The following EMCN variants were observed in gnomAD, a reference collection of about 807,000 sequenced individuals.
The protein encoded by EMCN is endomucin, also known as MUC-14.
A neutral mutation model predicts 38.4 loss-of-function variants in EMCN; 37 were observed. The observed-to-expected ratio is 0.96, with a 90% CI of 0.74 to 1.27. The LOEUF (loss-of-function observed/expected upper bound fraction) is 1.27, where lower values mean the gene tolerates loss of function less well. Ranked by LOEUF, EMCN falls within the 50% of genes most tolerant of loss-of-function variation. The probability of loss-of-function intolerance (pLI) is 0.00; values close to 1 mark genes in which losing one functional copy is unlikely to be tolerated. For synonymous variants in EMCN, 95 were observed against 100.8 expected (o/e 0.94, Z 0.35); for missense variants, 318 against 302.8 (o/e 1.05, Z -0.37).
intron 1 of EMCN, among the ~76,000 whole-genome samples, chr4:100,504,972 A>G (rs1450707114): frequency 6.6e-6 from 1 of 152,206 alleles, no homozygotes; most frequent in Non-Finnish European, 1.5e-5. Context: ...TCCCTTTTAG[A>G]TAGCAGTAGC....
chr4:100,407,279 G>A (rs1016882472), intron 11 of EMCN, among the ~76,000 whole-genome samples: 5 of 151,974 alleles, frequency 3.3e-5, no homozygotes, highest in African/African-American at 4.8e-5. Flanking sequence ...GTTACCTGGC[G>A]TTACGTAGAC....
intron 1 of EMCN, chr4:100,486,974 A>T (rs1296219212): frequency 1.0e-6 from 1 of 985,066 alleles, no homozygotes; most frequent in Non-Finnish European, 1.2e-6. Flanking sequence ...TGTGGACTTT[A>T]GTATAAGGAG....
At chr4:100,504,813 A>G (rs1387842348) in intron 1 of EMCN, among the ~76,000 whole-genome samples, 2 of 152,172 alleles carry the variant, frequency 1.3e-5, no homozygotes, top group African/African-American at 4.8e-5. Context: ...AGTTTAGAGA[A>G]GACCCTACTC....
At chr4:100,517,542 A>C (rs1025176396) in intron 1 of EMCN, among the ~76,000 whole-genome samples, 8 of 152,108 alleles carry the variant, frequency 5.3e-5, no homozygotes, top group Non-Finnish European at 1.0e-4. Context: ...GAGAGAGTAC[A>C]TTTTTAACCA....
At chr4:100,410,157 T>A in intron 11 of EMCN, 125 bp downstream of exon 11, 1 of 704,416 alleles carries the variant, frequency 1.4e-6, no homozygotes, top group East Asian at 2.6e-5. Flanking sequence ...TAGACAATGA[T>A]CATTGCATTG....
chr4:100,418,214 A>G (rs1294010236), intron 8 of EMCN, among the ~76,000 whole-genome samples: 3 of 152,160 alleles, frequency 2.0e-5, no homozygotes, highest in African/African-American at 7.2e-5. Context: ...CATATACAAT[A>G]TCACCTGTGA....
At chr4:100,477,723 T>A (rs1728699492) in intron 2 of EMCN, among the ~76,000 whole-genome samples, 2 of 152,194 alleles carry the variant, frequency 1.3e-5, no homozygotes, top group South Asian at 4.1e-4. Flanking sequence ...GGTAAATACT[T>A]TCATCGTGGC....
intron 10 of EMCN, among the ~76,000 whole-genome samples, 193 bp from the exon 11 acceptor site, chr4:100,410,548 T>A (rs1726524222): frequency 6.6e-6 from 1 of 152,190 alleles, no homozygotes; most frequent in Non-Finnish European, 1.5e-5. Flanking sequence ...CCAGACATCA[T>A]CTGTTTTCAC....
chr4:100,405,038 T>A (rs1007031593), intron 11 of EMCN, among the ~76,000 whole-genome samples: 4 of 152,138 alleles, frequency 2.6e-5, no homozygotes, highest in African/African-American at 9.7e-5. Flanking sequence ...TGTATAGAAA[T>A]GCTACTGAAT....
chr4:100,400,799 G>T (rs1726238177), intron 11 of EMCN, among the ~76,000 whole-genome samples: 1 of 152,106 alleles, frequency 6.6e-6, no homozygotes, highest in South Asian at 2.1e-4. Flanking sequence ...TCATCAGCAT[G>T]CATTTCACAT....
At chr4:100,503,740 T>C (rs1027459754) in intron 1 of EMCN, among the ~76,000 whole-genome samples, 1 of 152,108 alleles carries the variant, frequency 6.6e-6, no homozygotes, top group African/African-American at 2.4e-5. Flanking sequence ...CTTACTTTTG[T>C]ATTCTTTTGT....
At chr4:100,447,443 C>T in intron 5 of EMCN, 90 bp downstream of exon 5, 3 of 883,772 alleles carry the variant, frequency 3.4e-6, no homozygotes, top group Non-Finnish European at 5.4e-6. Context: ...CTATTTCTCC[C>T]TGCCCCCAAA....
At chr4:100,471,044 A>G (rs943206004) in intron 3 of EMCN, among the ~76,000 whole-genome samples, 3 of 151,982 alleles carry the variant, frequency 2.0e-5, no homozygotes, top group Admixed American at 6.6e-5. Context: ...GAGAAACTAG[A>G]AAAAGAAGAG....
intron 11 of EMCN, among the ~76,000 whole-genome samples, chr4:100,409,973 G>C (rs1726503847): frequency 6.6e-6 from 1 of 152,216 alleles, no homozygotes; most frequent in Non-Finnish European, 1.5e-5. Context: ...GCCACAGTTA[G>C]TGTGTGCTTA....
At chr4:100,507,933 A>T (rs190423775) in intron 1 of EMCN, among the ~76,000 whole-genome samples, 1 of 152,198 alleles carries the variant, frequency 6.6e-6, no homozygotes, top group East Asian at 1.9e-4. Context: ...GGCCTTTTAC[A>T]TGCAAAGTGG....
At chr4:100,514,941 C>T (rs998487176) in intron 1 of EMCN, among the ~76,000 whole-genome samples, 1 of 152,156 alleles carries the variant, frequency 6.6e-6, no homozygotes, top group Middle Eastern at 3.4e-3. Flanking sequence ...CCCACTTCTA[C>T]GGTGAGGGTT....
chr4:100,485,637 CAAATA>C (rs1229745638), intron 1 of EMCN, among the ~76,000 whole-genome samples: 4 of 151,438 alleles, frequency 2.6e-5, no homozygotes, highest in African/African-American at 7.3e-5. Context: ...AAAATAGATA[CAAATA>C]AAATAAAGTA....
At chr4:100,490,414 A>G (rs1206289096) in intron 1 of EMCN, among the ~76,000 whole-genome samples, 1 of 152,188 alleles carries the variant, frequency 6.6e-6, no homozygotes, top group Non-Finnish European at 1.5e-5. Context: ...CCAAGTATAC[A>G]GTGTTTATAC....
intron 4 of EMCN, among the ~76,000 whole-genome samples, chr4:100,453,040 A>G (rs1560621240): frequency 6.6e-6 from 1 of 152,198 alleles, no homozygotes; most frequent in Non-Finnish European, 1.5e-5. Context: ...AGATGGGTTA[A>G]AGACTTACAT....
Sources: gnomAD v4.1 joint callset for allele counts (sites outside exome capture counted in the v4.1 genomes callset) on GRCh38, gnomAD v4.1.1 for gene constraint, MANE v1.5 for transcripts, NCBI Gene and HGNC (gene_info 2026-07-23, HGNC 2026-07-21) for gene names.